The following GOPC variants were observed in gnomAD, a reference collection of about 807,000 sequenced individuals.
GOPC encodes the protein golgi associated PDZ and coiled-coil motif containing.
In GOPC, 32 loss-of-function variants were observed where a neutral mutation model predicts 51.2. The observed-to-expected ratio is 0.63, with a 90% confidence interval of 0.47 to 0.84. The LOEUF is 0.84. GOPC is among the 40% of genes least tolerant of loss of function. The pLI is 0.00. For synonymous variants in GOPC, 190 were observed against 205.1 expected (o/e 0.93, Z 0.63); for missense variants, 441 against 555.5 (o/e 0.79, Z 2.07).
In GOPC at chr6:117,561,052, G is replaced by C. The variant is rs1438010287; in HGVS notation, c.*2202C>G. The C allele has an allele frequency of 1.3e-5, 3 of 222,594 alleles. No homozygotes were observed. Among genetic ancestry groups the C allele is most frequent in the Non-Finnish European group, 2.7e-5 (3 of 111,468 alleles). The allele number at this position is 222,594 out of a possible 1,614,324, so 13.8% of individuals were successfully genotyped here. A position where few individuals can be genotyped will look rare whatever the true frequency, so the allele number is the denominator to read the frequency against. Reference sequence around the variant, plus strand: ...CTAGTTACTTTCTAACACCGGACAGGAAGCTCACAGTAGCATCTGAGCAAC... The same window carrying C: ...CTAGTTACTTTCTAACACCGGACAGCAAGCTCACAGTAGCATCTGAGCAAC... On this transcript the variant is annotated 3_prime_UTR_variant, in exon 9 of 9. Transcript: ENST00000368498.
In GOPC at chr6:117,602,480, G is replaced by C. The variant is rs112972243; in HGVS notation, c.-192C>G. On this transcript the variant is annotated 5_prime_UTR_variant, in exon 1 of 9. Coordinates refer to ENST00000368498, the MANE Select transcript of GOPC (RefSeq NM_020399.4). ...ACGAGGCTGAAGCTGAGGCGGCAAC[G>C]GCGGCGACACACGGAAGACTCAGTC... is the stretch of plus-strand genomic sequence containing the variant. The C allele has an allele frequency of 1.5e-4, 89 of 605,272 alleles. No individual in the cohort carries two copies. The highest frequency in any genetic ancestry group is 1.5e-4 in the Admixed American group (5 of 33,094). 37.5% of individuals were successfully genotyped at this position (605,272 alleles called of 1,614,324 possible).
At chr6:117,565,439 C>T (rs1474893593) in intron 8 of GOPC, among the ~76,000 whole-genome samples, 6 of 152,164 alleles carry the variant, frequency 3.9e-5, no homozygotes, top group African/African-American at 1.4e-4. Context: ...ACTTTTCACA[C>T]TCTGTTATAT....
chr6:117,567,017 A>C lies in GOPC; in HGVS notation c.1095T>G (p.Phe365Leu), dbSNP rs1476440121. The C allele has an allele frequency of 2.5e-6, 4 of 1,588,130 alleles. No homozygotes were observed. The highest frequency in any genetic ancestry group is 2.6e-6 in the Non-Finnish European group (3 of 1,171,858). Residue 365 changes from phenylalanine to leucine, a missense_variant, in exon 8 of 9, where the codon TTT becomes TTG. By Grantham distance (22) the Phe-to-Leu change is conservative. Coordinates refer to ENST00000368498, the MANE Select transcript of GOPC (RefSeq NM_020399.4). ...CTTCAGGAGCCACATAAACTACTTC[A>C]AATTCAATCTCTCCTCTCTAAAACA... is the stretch of plus-strand genomic sequence containing the variant. ...ILSQQRGEIE[F>L]EVVYVAPEVD...
chr6:117,589,995 A>G (rs1330876368), intron 1 of GOPC, among the ~76,000 whole-genome samples: 1 of 152,232 alleles, frequency 6.6e-6, no homozygotes, highest in Non-Finnish European at 1.5e-5. Context: ...TGAATTACAT[A>G]CCAGAGGAAT....
rs1779583154 is a variant in GOPC at position 117,561,461 on chromosome 6, T to A, written c.*1793A>T. ...ATGTCACAGCAAAAAGGTTTTCGGG[T>A]CTGCTACAATGGACAATTTTTTTGA... On this transcript the variant is annotated 3_prime_UTR_variant, in exon 9 of 9. Coordinates refer to ENST00000368498, the MANE Select transcript of GOPC (RefSeq NM_020399.4). The A allele has an allele frequency of 4.5e-6, 1 of 221,718 alleles. No individual in the cohort carries two copies. The highest frequency in any genetic ancestry group is 2.2e-5 in the African/African-American group (1 of 44,888). The allele number at this position is 221,718 out of a possible 1,614,324, so 13.7% of individuals were successfully genotyped here.
intron 6 of GOPC, among the ~76,000 whole-genome samples, chr6:117,570,466 C>T (rs1779788443): frequency 6.6e-6 from 1 of 151,762 alleles, no homozygotes; most frequent in South Asian, 2.1e-4. Context: ...GACCCAAGAG[C>T]CAGTGAAATC....
chr6:117,563,515 G>A, intron 8 of GOPC, 131 bp from the exon 9 acceptor site: 4 of 766,286 alleles, frequency 5.2e-6, no homozygotes, highest in Admixed American at 2.3e-5. Flanking sequence ...TGAGGTTAGG[G>A]GTTCGAGACC....
In GOPC at chr6:117,591,674, G is replaced by A. The variant is rs140147883; in HGVS notation, c.285+10330C>T. On this transcript the variant is annotated intron_variant, in intron 1 of 8. Transcript: ENST00000368498. ...AAGTACAGGTGCCATAAAAGAGCAA[G>A]GCCTATTTACAGAACTGCAAATAGA... is the stretch of plus-strand genomic sequence containing the variant. Among the ~76,000 whole-genome samples, 211 of 152,210 alleles carry A rather than the reference G, an allele frequency of 1.4e-3. 1 individual carries two copies. The highest frequency in any genetic ancestry group is 4.4e-3 in the African/African-American group (184 of 41,530).
intron 2 of GOPC, among the ~76,000 whole-genome samples, chr6:117,578,462 T>C (rs896087639): frequency 2.0e-5 from 3 of 152,088 alleles, no homozygotes; most frequent in Non-Finnish European, 4.4e-5. Context: ...GGAAGGAATC[T>C]GGATCTCTAA....
In GOPC at chr6:117,560,928, T is replaced by C. The variant is rs1779572793; in HGVS notation, c.*2326A>G. ...CAGGGACATATGAATTTCTTTCCTA[T>C]AAATGTGAAAATATTAAAATTGGTT... On this transcript the variant is annotated 3_prime_UTR_variant, in exon 9 of 9. Transcript: ENST00000368498. 1 of 211,602 alleles carries C rather than the reference T, an allele frequency of 4.7e-6. No individual in the cohort carries two copies. The highest frequency in any genetic ancestry group is 2.3e-5 in the African/African-American group (1 of 44,038). The allele number at this position is 211,602 out of a possible 1,614,324, so 13.1% of individuals were successfully genotyped here.
At chr6:117,594,814 AAAG>A (rs1305811569) in intron 1 of GOPC, among the ~76,000 whole-genome samples, 2 of 152,342 alleles carry the variant, frequency 1.3e-5, no homozygotes, top group Admixed American at 6.5e-5. Flanking sequence ...GGAGGATGTG[AAAG>A]AAGGTGTATT....
At chr6:117,586,634 A>G (rs1780037554) in intron 1 of GOPC, among the ~76,000 whole-genome samples, 1 of 151,840 alleles carries the variant, frequency 6.6e-6, no homozygotes, top group Admixed American at 6.6e-5. Flanking sequence ...GGTGCCCACC[A>G]CCACTCCCAG....
intron 3 of GOPC, among the ~76,000 whole-genome samples, chr6:117,575,756 T>C (rs1361344109): frequency 2.0e-5 from 3 of 152,328 alleles, no homozygotes; most frequent in East Asian, 3.9e-4. Flanking sequence ...AAAACTTGCA[T>C]TTATCCTGAG....
intron 7 of GOPC, among the ~76,000 whole-genome samples, chr6:117,568,226 G>A (rs539610383): frequency 2.6e-5 from 4 of 151,888 alleles, no homozygotes; most frequent in South Asian, 2.1e-4. Flanking sequence ...GTTACAGATC[G>A]TTTTATGTTA....
At chr6:117,572,411 T>C (rs1036190481) in intron 5 of GOPC, among the ~76,000 whole-genome samples, 4 of 152,338 alleles carry the variant, frequency 2.6e-5, no homozygotes, top group Admixed American at 2.6e-4. Context: ...ATCTTTCTAA[T>C]ATATCTCCTT....
chr6:117,594,689 T>C (rs1457119128), intron 1 of GOPC, among the ~76,000 whole-genome samples: 1 of 152,220 alleles, frequency 6.6e-6, no homozygotes, highest in East Asian at 1.9e-4. Flanking sequence ...GGGACAAGCA[T>C]ATCACCAGTT....
chr6:117,566,773 T>G, intron 8 of GOPC, 81 bp downstream of exon 8: 2 of 856,540 alleles, frequency 2.3e-6, no homozygotes. Flanking sequence ...ACAGTTTTAC[T>G]GAAGAAATTC....
At chr6:117,600,304 A>G (rs1483076419) in intron 1 of GOPC, among the ~76,000 whole-genome samples, 1 of 152,224 alleles carries the variant, frequency 6.6e-6, no homozygotes, top group Non-Finnish European at 1.5e-5. Flanking sequence ...TCATTCATCC[A>G]TTTATCCAAT....
intron 1 of GOPC, among the ~76,000 whole-genome samples, chr6:117,582,396 C>T (rs977184962): frequency 2.0e-5 from 3 of 151,542 alleles, no homozygotes; most frequent in Non-Finnish European, 4.4e-5. Flanking sequence ...AAAGCTGAAG[C>T]CCAAAGTGAG....
Sources: allele counts gnomAD v4.1 joint callset (sites outside exome capture counted in the v4.1 genomes callset), GRCh38; gene constraint gnomAD v4.1.1; transcripts MANE v1.5; gene names NCBI Gene and HGNC (gene_info 2026-07-23, HGNC 2026-07-21).